DMD: variants seen among roughly 807,000 people sequenced by gnomAD.
The protein encoded by DMD is mutant dystrophin.
A neutral mutation model predicts 330.1 loss-of-function variants in DMD; 63 were observed. That is an observed-to-expected ratio of 0.19 (90% CI 0.16 to 0.24). DMD has a LOEUF of 0.24. Among genes scored for constraint, DMD ranks in the 10% least tolerant of loss-of-function variants. The pLI, the probability that DMD is intolerant of heterozygous loss-of-function variation, is 1.00. For missense variants in DMD, 3,344 were observed against 2,684.1 expected (o/e 1.25, Z -5.43); for synonymous variants, 1,223 against 959.8 (o/e 1.27, Z -5.07).
At chrX:32,989,001 G>C (rs2092914816) in intron 2 of DMD, among the ~76,000 whole-genome samples, 1 of 111,033 alleles carries the variant, frequency 9.0e-6, no homozygotes, top group East Asian at 2.8e-4. Flanking sequence ...TACAAATTCT[G>C]CTATAATTCA....
At chrX:32,704,441 C>T (rs1051182933) in intron 7 of DMD, among the ~76,000 whole-genome samples, 1 of 111,623 alleles carries the variant, frequency 9.0e-6, no homozygotes, top group Non-Finnish European at 1.9e-5. Flanking sequence ...CTTCAAACAC[C>T]GCTGGGAAAT....
chrX:31,178,041 T>TC, intron 70 of DMD, 71 bp from the exon 71 acceptor site: 4 of 1,111,448 alleles, frequency 3.6e-6, no homozygotes, highest in Non-Finnish European at 3.7e-6. Flanking sequence ...TACTGAAAGG[T>TC]CAAAATAAAT....
intron 63 of DMD, among the ~76,000 whole-genome samples, chrX:31,232,343 G>C (rs1221823263): frequency 9.0e-6 from 1 of 111,113 alleles, no homozygotes; most frequent in Non-Finnish European, 1.9e-5. Context: ...AACTCTACCA[G>C]GTTGATAGAA....
chrX:31,185,094 C>A (rs1823262740), intron 67 of DMD, among the ~76,000 whole-genome samples: 1 of 108,365 alleles, frequency 9.2e-6, no homozygotes, highest in South Asian at 4.2e-4. Context: ...TGCACATGTA[C>A]CCTAAAACTT....
intron 47 of DMD, among the ~76,000 whole-genome samples, chrX:31,926,899 T>C (rs1257194353): frequency 9.0e-6 from 1 of 110,905 alleles, no homozygotes; most frequent in Non-Finnish European, 1.9e-5. Flanking sequence ...ACTCTAACCT[T>C]TGGATGAAGG....
chrX:33,080,975 CA>C (rs2094920094), intron 1 of DMD, among the ~76,000 whole-genome samples: 1 of 50,418 alleles, frequency 2.0e-5, no homozygotes. Context: ...TTATAAACAT[CA>C]CACACACACA....
chrX:31,140,074 G>A (rs1192790747), intron 76 of DMD, among the ~76,000 whole-genome samples: 1 of 111,994 alleles, frequency 8.9e-6, no homozygotes, highest in Non-Finnish European at 1.9e-5. Flanking sequence ...TTTAATCCGA[G>A]AAAAAAGAAA....
At chrX:32,473,623 TAGAG>T (rs2040889805) in intron 21 of DMD, among the ~76,000 whole-genome samples, 1 of 111,524 alleles carries the variant, frequency 9.0e-6, no homozygotes, top group Non-Finnish European at 1.9e-5. Flanking sequence ...GCGATAATCT[TAGAG>T]AGTGTGTTGG....
chrX:32,577,969 A>G (rs2053245755), intron 13 of DMD, among the ~76,000 whole-genome samples: 1 of 112,478 alleles, frequency 8.9e-6, no homozygotes, highest in Admixed American at 9.4e-5. Flanking sequence ...GGATTTACCT[A>G]TTTATTGCTT....
chrX:33,037,007 AAGG>A (rs965093896), intron 1 of DMD, among the ~76,000 whole-genome samples: 4 of 110,995 alleles, frequency 3.6e-5, no homozygotes, highest in African/African-American at 1.3e-4. Context: ...GTTTAGAGAG[AAGG>A]AGATGTGACA....
intron 1 of DMD, among the ~76,000 whole-genome samples, chrX:33,163,618 C>CTCTATCTATCTATGTATCTA (rs1557282352): frequency 1.0e-3 from 26 of 24,851 alleles, no homozygotes; most frequent in African/African-American, 1.9e-3. Flanking sequence ...CTATATCTAT[C>CTCTATCTATCTATGTATCTA]TCTATCTATC....
At chrX:31,418,862 C>T (rs942477492) in intron 60 of DMD, among the ~76,000 whole-genome samples, 6 of 112,575 alleles carry the variant, frequency 5.3e-5, no homozygotes, top group Non-Finnish European at 1.1e-4. Context: ...GAATGCAAGA[C>T]CTTCTGCCTT....
intron 7 of DMD, among the ~76,000 whole-genome samples, chrX:32,763,687 A>G (rs1054867362): frequency 8.0e-5 from 9 of 112,070 alleles, no homozygotes; most frequent in East Asian, 2.8e-4. Context: ...TGTCCAATCT[A>G]TATTTCAAGT....
intron 74 of DMD, among the ~76,000 whole-genome samples, chrX:31,147,809 G>A (rs1011981661): frequency 2.7e-5 from 3 of 111,005 alleles, no homozygotes; most frequent in African/African-American, 9.8e-5. Context: ...GGTATGTTCA[G>A]ATAAGTAAGC....
Position 31,172,417 on chromosome X carries a change from A to C in DMD, c.10329-4T>G. ...GCTGTTTTCCATTTCTGCTAGCCTG[A>C]TAAAAAACGTAAAAGCTCATTAAAA... On this transcript the variant is annotated splice_region_variant and splice_polypyrimidine_tract_variant and intron_variant, in intron 72 of 78. Transcript: ENST00000357033. The C allele has an allele frequency of 1.7e-6, 2 of 1,185,027 alleles. No homozygotes were observed. Among genetic ancestry groups the C allele is most frequent in the Non-Finnish European group, 2.3e-6 (2 of 871,855 alleles).
chrX:32,642,141 C>T (rs989843772), intron 11 of DMD, among the ~76,000 whole-genome samples: 2 of 111,785 alleles, frequency 1.8e-5, no homozygotes, highest in Non-Finnish European at 3.8e-5. Flanking sequence ...GTTTTATGCA[C>T]GAACACATAC....
At chrX:32,286,004 A>G (rs1419121393) in intron 43 of DMD, among the ~76,000 whole-genome samples, 1 of 111,394 alleles carries the variant, frequency 9.0e-6, no homozygotes, top group Non-Finnish European at 1.9e-5. Context: ...CTGCCCTGGA[A>G]GGTGCAGTGA....
intron 7 of DMD, among the ~76,000 whole-genome samples, chrX:32,716,640 G>A (rs1257699628): frequency 1.8e-5 from 2 of 111,067 alleles, no homozygotes; most frequent in African/African-American, 3.3e-5. Context: ...AGAAGCACAC[G>A]TTGGAACAGT....
intron 17 of DMD, among the ~76,000 whole-genome samples, chrX:32,523,995 C>T (rs1445490190): frequency 1.9e-5 from 2 of 103,793 alleles, no homozygotes; most frequent in Non-Finnish European, 3.9e-5. Context: ...TGCAGTGGCG[C>T]GATCTCGGCT....
Sources: gnomAD v4.1 joint callset for allele counts (sites outside exome capture counted in the v4.1 genomes callset) on GRCh38, gnomAD v4.1.1 for gene constraint, MANE v1.5 for transcripts, NCBI Gene and HGNC (gene_info 2026-07-23, HGNC 2026-07-21) for gene names.